PSD3: variants seen among roughly 807,000 people sequenced by gnomAD.
The protein encoded by PSD3 is pleckstrin and Sec7 domain containing 3, also known as PH and SEC7 domain-containing protein 3.
A neutral mutation model predicts 105.5 loss-of-function variants in PSD3; 49 were observed. That is an observed-to-expected ratio of 0.46 (90% CI 0.37 to 0.59). The LOEUF (loss-of-function observed/expected upper bound fraction) is 0.59, where lower values mean the gene tolerates loss of function less well. Among genes scored for constraint, PSD3 ranks in the 20% least tolerant of loss-of-function variants. The pLI, the probability that PSD3 is intolerant of heterozygous loss-of-function variation, is 0.00. For missense variants in PSD3, 1,561 were observed against 1,263.8 expected (o/e 1.24, Z -3.57); for synonymous variants, 557 against 457.8 (o/e 1.22, Z -2.77).
intron 1 of PSD3, among the ~76,000 whole-genome samples, chr8:18,944,071 T>C (rs980282985): frequency 4.6e-5 from 7 of 152,188 alleles, no homozygotes; most frequent in African/African-American, 1.7e-4. Flanking sequence ...ACTCCTTAAC[T>C]TTCATGACTA....
At chr8:18,649,919 C>A (rs1044346970) in intron 10 of PSD3, among the ~76,000 whole-genome samples, 1 of 152,174 alleles carries the variant, frequency 6.6e-6, no homozygotes, top group Non-Finnish European at 1.5e-5. Flanking sequence ...TGAGGCTTCC[C>A]CAGAAGCTGA....
In PSD3 at chr8:18,535,657, T is replaced by TC; in HGVS notation, c.*85_*86insG. 8.4e-7 allele frequency: 1 copy of TC among 1,185,134 alleles called. No individual in the cohort carries two copies. Among genetic ancestry groups the TC allele is most frequent in the Non-Finnish European group, 1.2e-6 (1 of 823,544 alleles). The allele number at this position is 1,185,134 out of a possible 1,614,324, so 73.4% of individuals were successfully genotyped here. On this transcript the variant is annotated 3_prime_UTR_variant, in exon 16 of 16. Transcript: ENST00000327040. ...CACCGTTTTGTCACAGACTTTTTTT[T>TC]TTTAAATATATTCACGGATTACCAG...
At chr8:18,817,653 C>A (rs1444019743) in intron 4 of PSD3, among the ~76,000 whole-genome samples, 1 of 152,202 alleles carries the variant, frequency 6.6e-6, no homozygotes, top group Non-Finnish European at 1.5e-5. Context: ...CAAATGTTTT[C>A]TTTCATGAAT....
chr8:19,064,027 G>A (rs1268016530), intron 1 of PSD3, among the ~76,000 whole-genome samples: 1 of 152,038 alleles, frequency 6.6e-6, no homozygotes, highest in Non-Finnish European at 1.5e-5. Flanking sequence ...TGTAATCCCA[G>A]CTACTCCGGA....
At chr8:19,068,085 A>T (rs1400058358) in intron 1 of PSD3, among the ~76,000 whole-genome samples, 2 of 152,114 alleles carry the variant, frequency 1.3e-5, no homozygotes, top group Non-Finnish European at 2.9e-5. Context: ...GGAATACAGG[A>T]CTGGCTGCAC....
chr8:18,563,555 G>C (rs925566216), intron 14 of PSD3, among the ~76,000 whole-genome samples: 20 of 152,218 alleles, frequency 1.3e-4, no homozygotes, highest in African/African-American at 4.8e-4. Context: ...GTTTGAGGGA[G>C]GCTCAATCCA....
At chr8:18,992,621 C>T (rs1035411101) in intron 1 of PSD3, among the ~76,000 whole-genome samples, 1 of 152,238 alleles carries the variant, frequency 6.6e-6, no homozygotes, top group South Asian at 2.1e-4. Context: ...CAAGTGTGCC[C>T]TAATTAGAAC....
At chr8:18,547,824 T>A (rs949420664) in intron 15 of PSD3, among the ~76,000 whole-genome samples, 1 of 152,206 alleles carries the variant, frequency 6.6e-6, no homozygotes, top group African/African-American at 2.4e-5. Context: ...TGTACCTGGA[T>A]ATTCATATCT....
chr8:18,556,432 CCT>C, intron 14 of PSD3, 80 bp from the exon 15 acceptor site: 9 of 1,446,110 alleles, frequency 6.2e-6, no homozygotes, highest in Non-Finnish European at 8.5e-6. Flanking sequence ...TAAAAAATCC[CCT>C]GTGCTGAATG....
At chr8:18,546,102 G>A (rs994020961) in intron 15 of PSD3, among the ~76,000 whole-genome samples, 1 of 152,104 alleles carries the variant, frequency 6.6e-6, no homozygotes, top group Admixed American at 6.5e-5. Context: ...CCAGGTTCAC[G>A]CAATTCTCCT....
At chr8:18,835,957 G>T (rs1045694295) in intron 4 of PSD3, among the ~76,000 whole-genome samples, 2 of 152,156 alleles carry the variant, frequency 1.3e-5, no homozygotes, top group Non-Finnish European at 2.9e-5. Flanking sequence ...TCAACAAATT[G>T]AGAAAAGACT....
At chr8:19,044,943 G>A (rs1828259013) in intron 1 of PSD3, among the ~76,000 whole-genome samples, 2 of 152,200 alleles carry the variant, frequency 1.3e-5, no homozygotes, top group Non-Finnish European at 2.9e-5. Context: ...CCAGCACTTT[G>A]GGAGGCCAAG....
chr8:18,993,941 C>T (rs1386568470), intron 1 of PSD3, among the ~76,000 whole-genome samples: 1 of 151,994 alleles, frequency 6.6e-6, no homozygotes. Context: ...CTCAATCATA[C>T]CATTTAAAAG....
chr8:18,553,624 G>A (rs928154172), intron 15 of PSD3, among the ~76,000 whole-genome samples: 10 of 152,146 alleles, frequency 6.6e-5, no homozygotes. Flanking sequence ...AGGATGCTGT[G>A]CAAAGACTCT....
intron 8 of PSD3, among the ~76,000 whole-genome samples, chr8:18,781,850 C>T (rs542972985): frequency 6.6e-6 from 1 of 152,218 alleles, no homozygotes; most frequent in Admixed American, 6.5e-5. Flanking sequence ...ACTATTTCGT[C>T]ATTGTATGTG....
chr8:18,572,599 G>C lies in PSD3; in HGVS notation c.2713C>G (p.Pro905Ala). 6.2e-7 allele frequency: 1 copy of C among 1,614,122 alleles called. No individual in the cohort carries two copies. Among genetic ancestry groups the C allele is most frequent in the Non-Finnish European group, 8.5e-7 (1 of 1,179,962 alleles). ...TTCTTCTGAGAGCCGATTGCTGCTGGAAATGGTGGTGCAGAAAATACAGCT... is the reference window on the plus strand; with the variant it reads ...TTCTTCTGAGAGCCGATTGCTGCTGCAAATGGTGGTGCAGAAAATACAGCT... ...VAAVFSAPPFPAAIGSQKKFS... is the reference protein window; with the variant it reads ...VAAVFSAPPFAAAIGSQKKFS... Residue 905 changes from proline (P) to alanine (A), a missense_variant, in exon 14 of 16, where the codon CCA (proline) becomes GCA (alanine). Physicochemically the swap from Pro to Ala is conservative, Grantham distance 27. Transcript: ENST00000327040.
chr8:18,804,526 G>C lies in PSD3; in HGVS notation c.1906C>G (p.Leu636Val), dbSNP rs1327883990. 1 of 1,606,996 alleles carries C rather than the reference G, an allele frequency of 6.2e-7. No individual in the cohort carries two copies. The highest frequency in any genetic ancestry group is 1.7e-5 in the Admixed American group (1 of 59,968). The change falls in exon 6 of 16, where the codon CTC (leucine) becomes GTC (valine). Residue 636 changes from leucine to valine, a missense_variant. Leu to Val is a conservative substitution (Grantham distance 32). Transcript: ENST00000327040. ...AGCAAGGAGGCTTAGTCATACCTGAGTGACTGATCCAGCGTCATTCCTGTA... is the reference window on the plus strand; with the variant it reads ...AGCAAGGAGGCTTAGTCATACCTGACTGACTGATCCAGCGTCATTCCTGTA... ...DFTGMTLDQS[L>V]RYFFKAFSLV...
At chr8:19,052,621 G>A (rs1828570543) in intron 1 of PSD3, among the ~76,000 whole-genome samples, 1 of 152,192 alleles carries the variant, frequency 6.6e-6, no homozygotes, top group Non-Finnish European at 1.5e-5. Flanking sequence ...CTTGAGGAAT[G>A]GGGTGGAGGC....
chr8:18,776,782 T>C (rs964929348), intron 8 of PSD3, among the ~76,000 whole-genome samples: 3 of 152,290 alleles, frequency 2.0e-5, no homozygotes, highest in African/African-American at 7.2e-5. Context: ...CGTTACTCAT[T>C]ACTGGTCTGT....
Sources: allele counts gnomAD v4.1 joint callset (sites outside exome capture counted in the v4.1 genomes callset), GRCh38; gene constraint gnomAD v4.1.1; transcripts MANE v1.5; gene names NCBI Gene and HGNC (gene_info 2026-07-23, HGNC 2026-07-21).